Variants in RARB observed in about 807,000 individuals in gnomAD.
RARB encodes the protein HBV-activated protein.
In RARB, 17 loss-of-function variants were observed where a neutral mutation model predicts 51.9. That is an observed-to-expected ratio of 0.33 (90% CI 0.22 to 0.49). The LOEUF (loss-of-function observed/expected upper bound fraction) is 0.49. Among genes scored for constraint, RARB ranks in the 20% least tolerant of loss-of-function variants. The probability of loss-of-function intolerance (pLI) is 0.99; values close to 1 mark genes in which losing one functional copy is unlikely to be tolerated. For synonymous variants in RARB, 215 were observed against 195.4 expected (o/e 1.10, Z -0.84); for missense variants, 369 against 550.8 (o/e 0.67, Z 3.30).
At chr3:25,561,607 C>T (rs1161118803) in intron 3 of RARB, among the ~76,000 whole-genome samples, 2 of 152,016 alleles carry the variant, frequency 1.3e-5, no homozygotes, top group Non-Finnish European at 2.9e-5. Flanking sequence ...GGGCTGTCCT[C>T]TTTATGGTCT....
intron 4 of RARB, among the ~76,000 whole-genome samples, chr3:25,150,846 A>G (rs1254239512): frequency 6.6e-6 from 1 of 152,228 alleles, no homozygotes; most frequent in Non-Finnish European, 1.5e-5. Context: ...GGCTCTCTTT[A>G]GGAAAAATAC....
rs183188149 is a variant in RARB at position 25,246,210 on chromosome 3, G to A, written c.178+71635G>A. Among the ~76,000 whole-genome samples the A allele has an allele frequency of 9.9e-5, 15 of 152,154 alleles. No homozygotes were observed. The East Asian group carries it at 2.7e-3, about 28-fold the overall frequency. On this transcript the variant is annotated intron_variant, in intron 5 of 11. Transcript: ENST00000383772. ...TTCTCTAAACTAGTTATTCCAGTTA[G>A]CAGTACTTCTAACATTTTTTCAAGG...
chr3:24,952,526 C>A (rs1040532199), intron 2 of RARB, among the ~76,000 whole-genome samples: 1 of 152,126 alleles, frequency 6.6e-6, no homozygotes, highest in East Asian at 1.9e-4. Context: ...TGACTTAACC[C>A]TTTGTCTAGT....
intron 2 of RARB, among the ~76,000 whole-genome samples, chr3:24,907,078 A>G (rs17015441): frequency 0.049 from 7,466 of 152,180 alleles, 333 homozygotes; most frequent in East Asian, 0.17. Flanking sequence ...CAATCAGCCA[A>G]TATTTATGGA....
intron 2 of RARB, among the ~76,000 whole-genome samples, chr3:25,004,187 G>C (rs1251884390): frequency 6.6e-6 from 1 of 152,072 alleles, no homozygotes; most frequent in Non-Finnish European, 1.5e-5. Context: ...CCACATCACT[G>C]ATAGCCATAT....
rs1366896458 is a variant in RARB, at chr3:24,874,493, T to G, written c.-380+15741T>G. Among the ~76,000 whole-genome samples the G allele has an allele frequency of 2.6e-5, 4 of 152,076 alleles. No individual in the cohort carries two copies. The East Asian group carries it at 7.7e-4, about 29-fold the overall frequency. On this transcript the variant is annotated intron_variant, in intron 2 of 11. Transcript: ENST00000383772. The stretch of plus-strand genomic sequence containing the variant: ...TCAAAGCCAGGTTAACAGGTACAGA[T>G]AAGTTTACGTACAGCTTGTTTTATC...
intron 2 of RARB, among the ~76,000 whole-genome samples, chr3:24,893,248 A>G (rs982001227): frequency 1.3e-5 from 2 of 152,264 alleles, no homozygotes; most frequent in Non-Finnish European, 2.9e-5. Context: ...AAACACTGTC[A>G]TAATAGTCCC....
chr3:24,973,446 T>G (rs1380960678), intron 2 of RARB, among the ~76,000 whole-genome samples: 1 of 152,052 alleles, frequency 6.6e-6, no homozygotes, highest in Non-Finnish European at 1.5e-5. Context: ...CTTTGACTAT[T>G]TGAGGTCTTT....
chr3:25,055,018 A>C (rs748696410), intron 2 of RARB, among the ~76,000 whole-genome samples: 1 of 152,196 alleles, frequency 6.6e-6, no homozygotes, highest in African/African-American at 2.4e-5. Flanking sequence ...ATCAGTCTCT[A>C]AATACTTCGT....
At chr3:25,264,753 T>G (rs1276782435) in intron 5 of RARB, among the ~76,000 whole-genome samples, 2 of 152,210 alleles carry the variant, frequency 1.3e-5, no homozygotes, top group African/African-American at 4.8e-5. Context: ...TTTTTCCTTC[T>G]GCATGGGTGT....
At chr3:24,835,930 GTC>G (rs1204470573) in intron 1 of RARB, among the ~76,000 whole-genome samples, 1 of 152,140 alleles carries the variant, frequency 6.6e-6, no homozygotes, top group African/African-American at 2.4e-5. Flanking sequence ...ACCACAGACT[GTC>G]TCTTCAACGT....
chr3:24,945,825 G>C (rs1392161287), intron 2 of RARB, among the ~76,000 whole-genome samples: 1 of 152,240 alleles, frequency 6.6e-6, no homozygotes, highest in Admixed American at 6.5e-5. Context: ...GCATCCACAG[G>C]GCTTAAGGAT....
chr3:25,525,261 G>A (rs534271104), intron 3 of RARB, among the ~76,000 whole-genome samples: 5 of 152,284 alleles, frequency 3.3e-5, no homozygotes, highest in African/African-American at 1.2e-4. Context: ...CATTTTGGAG[G>A]CAACACAAGA....
chr3:25,569,369 A>C (rs1257005529), intron 3 of RARB, among the ~76,000 whole-genome samples: 1 of 152,240 alleles, frequency 6.6e-6, no homozygotes, highest in Admixed American at 6.5e-5. Flanking sequence ...GGCTTTGTTC[A>C]GAGACCTGAC....
chr3:25,481,344 C>T (rs1696213412), intron 2 of RARB, among the ~76,000 whole-genome samples: 2 of 152,110 alleles, frequency 1.3e-5, no homozygotes, highest in Admixed American at 1.3e-4. Context: ...CAGTTTGCAA[C>T]CTCTGCCTTA....
Position 25,283,134 on chromosome 3 carries a change from C to T in RARB, c.178+108559C>T, listed in dbSNP as rs548008029. Among the ~76,000 whole-genome samples the T allele has an allele frequency of 2.6e-5, 4 of 152,252 alleles. 1 individual carries two copies. Among genetic ancestry groups the T allele is most frequent in the South Asian group, 4.1e-4 (2 of 4,822 alleles). On this transcript the variant is annotated intron_variant, in intron 5 of 11. Coordinates refer to the RARB transcript ENST00000383772. ...ATCTGAGTCTCCTGATTCCAAAGCC[C>T]TTGTTTTACTCCAGATCATTCCTTT...
chr3:24,976,817 A>G (rs1036106960), intron 2 of RARB, among the ~76,000 whole-genome samples: 1 of 152,114 alleles, frequency 6.6e-6, no homozygotes, highest in Non-Finnish European at 1.5e-5. Context: ...TTTGTGTTTT[A>G]GACATGAAGT....
At chr3:25,596,058 T>A (rs1418862304) in intron 7 of RARB, among the ~76,000 whole-genome samples, 2 of 152,184 alleles carry the variant, frequency 1.3e-5, no homozygotes, top group Non-Finnish European at 2.9e-5. Context: ...ATTGTATCAG[T>A]TATTGCTTGC....
intron 2 of RARB, among the ~76,000 whole-genome samples, chr3:24,882,319 A>G (rs1438068134): frequency 6.6e-6 from 1 of 152,216 alleles, no homozygotes; most frequent in African/African-American, 2.4e-5. Context: ...TTTTTAAAAA[A>G]TTGTGTGTAC....
Sources: gnomAD v4.1 joint callset for allele counts (sites outside exome capture counted in the v4.1 genomes callset) on GRCh38, gnomAD v4.1.1 for gene constraint, MANE v1.5 for transcripts, NCBI Gene and HGNC (gene_info 2026-07-23, HGNC 2026-07-21) for gene names.